Variants in CFAP251 observed in about 807,000 individuals in gnomAD.
CFAP251 encodes cilia and flagella associated protein 251, also known as cilia- and flagella-associated protein 251.
In CFAP251, 93 loss-of-function variants were observed where a neutral mutation model predicts 126.7. The observed-to-expected ratio is 0.73, with a 90% CI of 0.62 to 0.87. The LOEUF (loss-of-function observed/expected upper bound fraction) is 0.87, where lower values mean the gene tolerates loss of function less well. Among genes scored for constraint, CFAP251 ranks in the 40% least tolerant of loss-of-function variants. CFAP251 has a pLI of 0.00. For synonymous variants in CFAP251, 503 were observed against 506.9 expected (o/e 0.99, Z 0.10); for missense variants, 1,287 against 1,389.2 (o/e 0.93, Z 1.17).
intron 19 of CFAP251, among the ~76,000 whole-genome samples, chr12:121,988,200 A>G (rs1388457525): frequency 6.6e-6 from 1 of 151,990 alleles, no homozygotes; most frequent in African/African-American, 2.4e-5. Flanking sequence ...TGGCTTCTCC[A>G]TATTATTTAT....
Position 121,962,107 on chromosome 12 carries a change from A to G in CFAP251, c.2437A>G (p.Ile813Val), listed in dbSNP as rs1364956400. 1 of 1,613,830 alleles carries G rather than the reference A, an allele frequency of 6.2e-7. No homozygotes were observed. The highest frequency in any genetic ancestry group is 8.5e-7 in the Non-Finnish European group (1 of 1,180,036). Residue 813 changes from isoleucine to valine, a missense_variant, in exon 15 of 22, where the codon ATT (isoleucine) becomes GTT (valine). By Grantham distance (29) the Ile-to-Val change is conservative (BLOSUM62 3). Coordinates refer to ENST00000288912, the MANE Select transcript of CFAP251 (RefSeq NM_144668.6). ...ACTCACCAGGGAACTCTTCCTGCTTATTTGCAACAGTGGCTACAAAGTGAA... is the reference window on the plus strand; with the variant it reads ...ACTCACCAGGGAACTCTTCCTGCTTGTTTGCAACAGTGGCTACAAAGTGAA... ...PPLTRELFLL[I>V]CNSGYKVKLF...
intron 7 of CFAP251, chr12:121,948,540 T>C: frequency 6.5e-6 from 1 of 154,122 alleles, no homozygotes; most frequent in South Asian, 2.0e-4. Flanking sequence ...GCCAACATGG[T>C]GAAACCCCAT....
At chr12:121,994,281 T>TG (rs1182399385) in intron 19 of CFAP251, among the ~76,000 whole-genome samples, 1 of 18,526 alleles carries the variant, frequency 5.4e-5, no homozygotes, top group Admixed American at 4.5e-4. Flanking sequence ...GGGAGGGAGG[T>TG]GGGGGGGTCA....
At chr12:121,944,878 G>A (rs968606313) in intron 7 of CFAP251, among the ~76,000 whole-genome samples, 2 of 152,182 alleles carry the variant, frequency 1.3e-5, no homozygotes, top group African/African-American at 4.8e-5. Context: ...TGCCTCCTGA[G>A]CTCAAGCAGT....
chr12:121,944,980 G>A (rs759763317), intron 7 of CFAP251, among the ~76,000 whole-genome samples: 1 of 151,926 alleles, frequency 6.6e-6, no homozygotes, highest in Non-Finnish European at 1.5e-5. Context: ...ACAGAGTTTT[G>A]CCATGTTGGT....
intron 13 of CFAP251, among the ~76,000 whole-genome samples, chr12:121,960,115 A>G (rs919573541): frequency 6.6e-6 from 1 of 152,200 alleles, no homozygotes; most frequent in Non-Finnish European, 1.5e-5. Context: ...CCTGGGCAAC[A>G]GATCAAGACT....
At position 121,999,760 on chromosome 12, in the gene CFAP251, C is replaced by G; in HGVS notation, c.3051C>G (p.Asp1017Glu). 6.2e-7 allele frequency: 1 copy of G among 1,613,106 alleles called. No homozygotes were observed. Among genetic ancestry groups the G allele is most frequent in the Non-Finnish European group, 8.5e-7 (1 of 1,179,194 alleles). ...FNEIKFGEYV[D>E]TGKLIDKINL... ...AAATCAAATTTGGTGAATATGTGGACACTGGAAAGCTAATCGACAAGATCA... is the reference window on the plus strand; with the variant it reads ...AAATCAAATTTGGTGAATATGTGGAGACTGGAAAGCTAATCGACAAGATCA... The change falls in exon 20 of 22, where the codon GAC (aspartate) becomes GAG (glutamate). Residue 1017 changes from aspartate (D) to glutamate (E), a missense_variant. Coordinates refer to ENST00000288912, the MANE Select transcript of CFAP251 (RefSeq NM_144668.6).
intron 19 of CFAP251, among the ~76,000 whole-genome samples, chr12:121,978,214 A>C (rs1882519008): frequency 6.6e-6 from 1 of 150,394 alleles, no homozygotes; most frequent in African/African-American, 2.4e-5. Flanking sequence ...AACACGGTGA[A>C]ACCCCGTCTC....
intron 19 of CFAP251, among the ~76,000 whole-genome samples, chr12:121,986,962 C>T (rs1170437141): frequency 3.9e-5 from 6 of 152,088 alleles, no homozygotes; most frequent in South Asian, 4.1e-4. Context: ...AGAACAAAAA[C>T]GAGAAAGATA....
chr12:121,997,193 G>GT (rs1883037532), intron 19 of CFAP251: 1 of 152,402 alleles, frequency 6.6e-6, no homozygotes, highest in Admixed American at 6.5e-5. Context: ...CGAGGAGGTA[G>GT]TGAGATGGCA....
At chr12:121,924,025 T>G in intron 3 of CFAP251, 35 bp downstream of exon 3, 1 of 1,394,826 alleles carries the variant, frequency 7.2e-7, no homozygotes, top group South Asian at 1.3e-5. Context: ...CCCCAGTGCT[T>G]TTGAGAGTGT....
At chr12:121,943,521 C>A (rs189392453) in intron 7 of CFAP251, among the ~76,000 whole-genome samples, 7,050 of 152,126 alleles carry the variant, frequency 0.046, 246 homozygotes, top group Non-Finnish European at 0.07. Context: ...CTCCCAGGTT[C>A]AAGCGATTCT....
rs1289124764 is a variant in CFAP251 at position 121,934,309 on chromosome 12, A to G, written c.951A>G (p.Ala317=). The change falls in exon 5 of 22, where the codon GCA becomes GCG. Residue 317 remains alanine, a synonymous_variant. Coordinates refer to ENST00000288912, the MANE Select transcript of CFAP251 (RefSeq NM_144668.6). ...VSEDRRWIAT[A]DKGPDCLVII... ...AAGACAGGCGGTGGATCGCCACAGC[A>G]GACAAAGGGCCAGACTGCCTGGTGA... The G allele has an allele frequency of 6.2e-7, 1 of 1,614,080 alleles. No homozygotes were observed. Among genetic ancestry groups the G allele is most frequent in the South Asian group, 1.1e-5 (1 of 91,064 alleles).
chr12:121,946,095 C>G (rs1466717185), intron 7 of CFAP251, among the ~76,000 whole-genome samples: 2 of 152,206 alleles, frequency 1.3e-5, no homozygotes, highest in African/African-American at 4.8e-5. Context: ...ATCCCTCCAT[C>G]CATCTCCTAA....
chr12:121,923,237 A>G (rs931060581), intron 2 of CFAP251, among the ~76,000 whole-genome samples: 3 of 150,942 alleles, frequency 2.0e-5, no homozygotes, highest in African/African-American at 4.9e-5. Flanking sequence ...TTTCACAAGC[A>G]GCCTCAACCT....
At chr12:121,931,690 C>T (rs1880696962) in intron 3 of CFAP251, 56 bp from the exon 4 acceptor site, 1 of 1,404,136 alleles carries the variant, frequency 7.1e-7, no homozygotes, top group African/African-American at 1.5e-5. Flanking sequence ...TCCTGGAGCC[C>T]CAGCTCTGGG....
At position 121,932,017 on chromosome 12, in the gene CFAP251, C is replaced by T. The variant is rs1880713350; in HGVS notation, c.888+131C>T. On this transcript the variant is annotated intron_variant, in intron 4 of 21. Coordinates refer to ENST00000288912, the MANE Select transcript of CFAP251 (RefSeq NM_144668.6). The stretch of plus-strand genomic sequence containing the variant: ...TTCCCACTCTCCTTGGAACTAAAAG[C>T]AAGCCTGTCTTTAGAAACACATGGT... 3 of 897,570 alleles carry T rather than the reference C, an allele frequency of 3.3e-6. No homozygotes were observed. The South Asian group carries it at 1.1e-4, about 33-fold the overall frequency. The allele number at this position is 897,570 out of a possible 1,614,324, so 55.6% of individuals were successfully genotyped here. A position where few individuals can be genotyped will look rare whatever the true frequency, so the allele number is the denominator to read the frequency against.
chr12:121,984,162 C>G (rs185819659), intron 19 of CFAP251, among the ~76,000 whole-genome samples: 61 of 152,280 alleles, frequency 4.0e-4, no homozygotes, highest in Admixed American at 3.5e-3. Flanking sequence ...TAGTGTGGTA[C>G]ACTGAAGCCA....
At chr12:121,998,354 T>G (rs1258137063) in intron 19 of CFAP251, 3 of 149,700 alleles carry the variant, frequency 2.0e-5, no homozygotes, top group Non-Finnish European at 4.4e-5. Context: ...ACCTGGCCTA[T>G]AATTGATGTT....
Sources: allele counts gnomAD v4.1 joint callset (sites outside exome capture counted in the v4.1 genomes callset), GRCh38; gene constraint gnomAD v4.1.1; transcripts MANE v1.5; gene names NCBI Gene and HGNC (gene_info 2026-07-23, HGNC 2026-07-21).